Variants in CMBL observed in about 807,000 individuals in gnomAD.
CMBL encodes carboxymethylenebutenolidase homolog, also known as carboxymethylenebutenolidase homolog (Pseudomonas).
CMBL carries 17 observed loss-of-function variants against 28.7 expected under a neutral mutation model. That is an observed-to-expected ratio of 0.59 (90% CI 0.41 to 0.89). CMBL has a LOEUF of 0.89. CMBL is among the 40% of genes least tolerant of loss of function. The pLI is 0.00. For missense variants in CMBL, 310 were observed against 298.5 expected (o/e 1.04, Z -0.28); for synonymous variants, 106 against 101.6 (o/e 1.04, Z -0.26).
intron 1 of CMBL, among the ~76,000 whole-genome samples, chr5:10,304,790 T>G (rs1209779855): frequency 6.6e-6 from 1 of 152,084 alleles, no homozygotes; most frequent in African/African-American, 2.4e-5. Flanking sequence ...TTAACTTTTT[T>G]CCACAGGAGG....
chr5:10,290,341 A>C, intron 2 of CMBL: 1 of 576,346 alleles, frequency 1.7e-6, no homozygotes. Flanking sequence ...AGGACAGGAA[A>C]CCCAGGAATG....
chr5:10,294,726 T>C (rs1481553373), intron 1 of CMBL, among the ~76,000 whole-genome samples: 1 of 152,088 alleles, frequency 6.6e-6, no homozygotes, highest in African/African-American at 2.4e-5. Flanking sequence ...AATGGTCAAG[T>C]GTGGACAGAT....
At chr5:10,305,392 C>A (rs1459618069) in intron 1 of CMBL, among the ~76,000 whole-genome samples, 1 of 151,972 alleles carries the variant, frequency 6.6e-6, no homozygotes, top group Non-Finnish European at 1.5e-5. Context: ...CAACAGTGAT[C>A]CCCATGGGTT....
intron 1 of CMBL, among the ~76,000 whole-genome samples, chr5:10,296,641 C>CT (rs1746815179): frequency 6.6e-6 from 1 of 152,102 alleles, no homozygotes; most frequent in Non-Finnish European, 1.5e-5. Flanking sequence ...TCCTTCAACA[C>CT]TAACACTTCA....
chr5:10,303,009 C>T (rs1746936319), intron 1 of CMBL, among the ~76,000 whole-genome samples: 1 of 152,142 alleles, frequency 6.6e-6, no homozygotes, highest in Non-Finnish European at 1.5e-5. Context: ...TAAGGGTAGC[C>T]ATCTATGAGA....
intron 3 of CMBL, among the ~76,000 whole-genome samples, chr5:10,287,538 T>C (rs1746626937): frequency 6.6e-6 from 1 of 152,112 alleles, no homozygotes; most frequent in Non-Finnish European, 1.5e-5. Context: ...TTAGGTAAAC[T>C]GTACACTACT....
intron 4 of CMBL, among the ~76,000 whole-genome samples, chr5:10,284,298 G>C (rs1746558011): frequency 6.6e-6 from 1 of 152,232 alleles, no homozygotes; most frequent in Admixed American, 6.5e-5. Flanking sequence ...ACTGCCTTTT[G>C]AGTTTATGTC....
At chr5:10,302,303 C>G (rs1746914527) in intron 1 of CMBL, among the ~76,000 whole-genome samples, 1 of 152,184 alleles carries the variant, frequency 6.6e-6, no homozygotes, top group Non-Finnish European at 1.5e-5. Context: ...GACCTCTCCT[C>G]TTGGCCAAGG....
chr5:10,283,242 G>A (rs931822595), intron 4 of CMBL, among the ~76,000 whole-genome samples: 5 of 152,150 alleles, frequency 3.3e-5, no homozygotes, highest in East Asian at 1.9e-4. Context: ...GGAAAGATGC[G>A]GAGCAGCCTG....
chr5:10,285,137 G>A (rs1230527580), intron 4 of CMBL, among the ~76,000 whole-genome samples: 1 of 152,034 alleles, frequency 6.6e-6, no homozygotes, highest in Non-Finnish European at 1.5e-5. Flanking sequence ...CTGAGAGGCT[G>A]GGACCACAGG....
chr5:10,292,526 T>C (rs1245967356), intron 1 of CMBL, among the ~76,000 whole-genome samples: 1 of 152,098 alleles, frequency 6.6e-6, no homozygotes, highest in Non-Finnish European at 1.5e-5. Context: ...TTAGACTTTT[T>C]AAAAATTAAG....
intron 1 of CMBL, among the ~76,000 whole-genome samples, chr5:10,306,821 A>G (rs769880286): frequency 7.2e-5 from 11 of 152,200 alleles, no homozygotes; most frequent in Non-Finnish European, 1.5e-4. Flanking sequence ...TGGCCCTCTT[A>G]GACATGCCAA....
chr5:10,300,052 C>T (rs916269424), intron 1 of CMBL, among the ~76,000 whole-genome samples: 8 of 152,208 alleles, frequency 5.3e-5, no homozygotes, highest in East Asian at 1.9e-4. Context: ...CCCCACTCCC[C>T]GTGCATGTGA....
chr5:10,298,183 G>A (rs1422946374), intron 1 of CMBL, among the ~76,000 whole-genome samples: 1 of 152,086 alleles, frequency 6.6e-6, no homozygotes, highest in Non-Finnish European at 1.5e-5. Flanking sequence ...GCAGCACTGA[G>A]CTACCCAGGT....
At chr5:10,298,188 C>A (rs1350531220) in intron 1 of CMBL, among the ~76,000 whole-genome samples, 2 of 151,950 alleles carry the variant, frequency 1.3e-5, no homozygotes, top group Non-Finnish European at 2.9e-5. Context: ...ACTGAGCTAC[C>A]CAGGTAAGAA....
chr5:10,281,692 C>G (rs1746499407), intron 5 of CMBL, among the ~76,000 whole-genome samples: 1 of 152,306 alleles, frequency 6.6e-6, no homozygotes, highest in African/African-American at 2.4e-5. Flanking sequence ...GAGAATACTT[C>G]CCTCAGACAT....
Position 10,290,545 on chromosome 5 carries a change from T to TA in CMBL, c.215+2dup, listed in dbSNP as rs1561063441. 6.2e-7 allele frequency: 1 copy of TA among 1,606,202 alleles called. No homozygotes were observed. Among genetic ancestry groups the TA allele is most frequent in the Middle Eastern group, 1.7e-4 (1 of 6,044 alleles). On this transcript the variant is annotated splice_region_variant and intron_variant, in intron 2 of 5. Coordinates refer to ENST00000296658, the MANE Select transcript of CMBL (RefSeq NM_138809.4). The stretch of plus-strand genomic sequence containing the variant: ...AAACAAAGAAACACAACTTTATACA[T>TA]ACGTGTATCCATTTCCTGAGATCAT...
chr5:10,283,813 A>T (rs983287544), intron 4 of CMBL, among the ~76,000 whole-genome samples: 2 of 152,234 alleles, frequency 1.3e-5, no homozygotes, highest in African/African-American at 4.8e-5. Flanking sequence ...TTCATTCGAG[A>T]TTAATTCTGA....
chr5:10,282,901 C>T (rs2126539766), intron 4 of CMBL, among the ~76,000 whole-genome samples: 1 of 151,950 alleles, frequency 6.6e-6, no homozygotes, highest in African/African-American at 2.4e-5. Flanking sequence ...ACTAGCCTGG[C>T]CAACATGGTG....
Sources: allele counts gnomAD v4.1 joint callset (sites outside exome capture counted in the v4.1 genomes callset), GRCh38; gene constraint gnomAD v4.1.1; transcripts MANE v1.5; gene names NCBI Gene and HGNC (gene_info 2026-07-23, HGNC 2026-07-21).